The following SPIN4 variants were observed in gnomAD, a reference collection of about 807,000 sequenced individuals.
SPIN4 encodes the protein spindlin family member 4, also known as spindlin-4.
Under a neutral mutation model 10.4 loss-of-function variants are expected in SPIN4, and 4 were observed. The observed-to-expected ratio is 0.38, with a 90% CI of 0.19 to 0.88. SPIN4 has a LOEUF of 0.88. Among genes scored for constraint, SPIN4 ranks in the 40% least tolerant of loss-of-function variants. The pLI, the probability that SPIN4 is intolerant of heterozygous loss-of-function variation, is 0.40. For missense variants in SPIN4, 126 were observed against 198.7 expected, an observed-to-expected ratio of 0.63 and a Z score of 2.20; for synonymous variants, 71 against 78.4, an observed-to-expected ratio of 0.91 and a Z score of 0.50.
In SPIN4 at chrX:63,348,530, T is replaced by C. The variant is rs1206283667; in HGVS notation, c.*1540A>G. ...AGGATTTTAATTGTGATGTCAGCCA[T>C]CATAATTAGAATTTTATTAAAATTC... On this transcript the variant is annotated 3_prime_UTR_variant, in exon 1 of 1. Coordinates refer to ENST00000374884, the MANE Select transcript of SPIN4 (RefSeq NM_001012968.3). The C allele has an allele frequency of 3.6e-5, 4 of 110,290 alleles. No individual in the cohort carries two copies. The highest frequency in any genetic ancestry group is 1.3e-4 in the African/African-American group (4 of 30,404). 9.1% of individuals were successfully genotyped at this position (110,290 alleles called of 1,213,427 possible).
At position 63,350,747 on chromosome X, in the gene SPIN4, G is replaced by A; in HGVS notation, c.73C>T (p.His25Tyr). The A allele has an allele frequency of 2.5e-6, 3 of 1,210,969 alleles. No homozygotes were observed. The highest frequency in any genetic ancestry group is 2.2e-6 in the Non-Finnish European group (2 of 894,982). ...GTGGGCTTGCGCCGTTGCTTCCTGTGGGTGTGCCTTTTCTTCATCAGGTAT... is the reference window on the plus strand; with the variant it reads ...GTGGGCTTGCGCCGTTGCTTCCTGTAGGTGTGCCTTTTCTTCATCAGGTAT... ...SAYLMKKRHT[H>Y]RKQRRKPTFL... The change falls in exon 1 of 1, where the codon CAC becomes TAC. Residue 25 changes from histidine to tyrosine, a missense_variant. Transcript: ENST00000374884.
rs1932990690 is a variant in SPIN4, at chrX:63,351,046, C to A, written c.-227G>T. On this transcript the variant is annotated 5_prime_UTR_variant, in exon 1 of 1. Coordinates refer to ENST00000374884, the MANE Select transcript of SPIN4 (RefSeq NM_001012968.3). ...GCCTCTCCACAGTGCTTTCCTCTCT[C>A]GCCCTAGAAGGGTTACTGCAGCAGT... 6 of 383,275 alleles carry A rather than the reference C, an allele frequency of 1.6e-5. No homozygotes were observed. The highest frequency in any genetic ancestry group is 2.3e-5 in the Non-Finnish European group (5 of 220,263). The allele number at this position is 383,275 out of a possible 1,213,427, so 31.6% of individuals were successfully genotyped here.
Position 63,351,166 on chromosome X carries a change from T to A in SPIN4, c.-347A>T, listed in dbSNP as rs1340579504. On this transcript the variant is annotated 5_prime_UTR_variant, in exon 1 of 1. Transcript: ENST00000374884. The stretch of plus-strand genomic sequence containing the variant: ...CAAGTCCCCGAATCGGCCACTTAGC[T>A]GTTGTCGATGCTGGTGCGGCTGCGG... 1.0e-5 allele frequency: 2 copies of A among 199,044 alleles called. No homozygotes were observed. 16.4% of individuals were successfully genotyped at this position (199,044 alleles called of 1,213,427 possible).
rs1322082145 is a variant in SPIN4 at position 63,349,575 on chromosome X, A to G, written c.*495T>C. The G allele has an allele frequency of 8.8e-6, 1 of 114,101 alleles. No individual in the cohort carries two copies. Among genetic ancestry groups the G allele is most frequent in the African/African-American group, 3.3e-5 (1 of 30,588 alleles). 9.4% of individuals were successfully genotyped at this position (114,101 alleles called of 1,213,427 possible). ...AGAGAGAGCAAGAAAGACTGAAGCT[A>G]CTGATAAGAAGAGATATCATCTACA... is the stretch of plus-strand genomic sequence containing the variant. On this transcript the variant is annotated 3_prime_UTR_variant, in exon 1 of 1. Coordinates refer to ENST00000374884, the MANE Select transcript of SPIN4 (RefSeq NM_001012968.3).
Position 63,350,910 on chromosome X carries a change from T to A in SPIN4, c.-91A>T, listed in dbSNP as rs1344310058. The A allele has an allele frequency of 3.4e-5, 36 of 1,070,000 alleles. No homozygotes were observed. In the African/African-American group the frequency reaches 4.7e-4, roughly 14 times the overall value. 88.2% of individuals were successfully genotyped at this position (1,070,000 alleles called of 1,213,427 possible). A position where few individuals can be genotyped will look rare whatever the true frequency, so the allele number is the denominator to read the frequency against. ...ACACTATGCAATATGATATATATAT[T>A]TTTTGCGATCTCAAAGACCTGGTCT... On this transcript the variant is annotated 5_prime_UTR_variant, in exon 1 of 1. Coordinates refer to ENST00000374884, the MANE Select transcript of SPIN4 (RefSeq NM_001012968.3).
In SPIN4 at chrX:63,350,908, A is replaced by AT. The variant is rs1932989399; in HGVS notation, c.-90dup. 5.6e-6 allele frequency: 6 copies of AT among 1,064,823 alleles called. No individual in the cohort carries two copies. The highest frequency in any genetic ancestry group is 3.3e-5 in the Admixed American group (1 of 30,708). 87.8% of individuals were successfully genotyped at this position (1,064,823 alleles called of 1,213,427 possible). ...CAACACTATGCAATATGATATATAT[A>AT]TTTTTTGCGATCTCAAAGACCTGGT... On this transcript the variant is annotated 5_prime_UTR_variant, in exon 1 of 1. Coordinates refer to ENST00000374884, the MANE Select transcript of SPIN4 (RefSeq NM_001012968.3).
In SPIN4 at chrX:63,350,864, G is replaced by A; in HGVS notation, c.-45C>T. 5.2e-6 allele frequency: 6 copies of A among 1,152,054 alleles called. No individual in the cohort carries two copies. The highest frequency in any genetic ancestry group is 5.8e-6 in the Non-Finnish European group (5 of 865,664). The allele number at this position is 1,152,054 out of a possible 1,213,427, so 94.9% of individuals were successfully genotyped here. A position where few individuals can be genotyped will look rare whatever the true frequency, so the allele number is the denominator to read the frequency against. ...CTTGGGGAAAGCTGCTGCCCTGGTC[G>A]ATTAAACTGACAAAAAGTCAACACT... On this transcript the variant is annotated 5_prime_UTR_variant, in exon 1 of 1. Transcript: ENST00000374884.
chrX:63,350,428 T>C lies in SPIN4; in HGVS notation c.392A>G (p.His131Arg). 8.3e-7 allele frequency: 1 copy of C among 1,211,486 alleles called. No homozygotes were observed. The highest frequency in any genetic ancestry group is 1.1e-6 in the Non-Finnish European group (1 of 895,467). ...KAVEHVFEGEHGTKDEWKGMV... is the reference protein window; with the variant it reads ...KAVEHVFEGERGTKDEWKGMV... Reference sequence around the variant, plus strand: ...ACCCTTCCATTCATCCTTGGTACCATGTTCACCTTCAAACACATGCTCCAC... The same window carrying C: ...ACCCTTCCATTCATCCTTGGTACCACGTTCACCTTCAAACACATGCTCCAC... The change falls in exon 1 of 1, where the codon CAT becomes CGT. Residue 131 changes from histidine to arginine, a missense_variant. Coordinates refer to ENST00000374884, the MANE Select transcript of SPIN4 (RefSeq NM_001012968.3).
chrX:63,350,605 G>C lies in SPIN4; in HGVS notation c.215C>G (p.Thr72Ser), dbSNP rs782048225. 39 of 1,207,519 alleles carry C rather than the reference G, an allele frequency of 3.2e-5. No individual in the cohort carries two copies. Among genetic ancestry groups the C allele is most frequent in the Non-Finnish European group, 4.4e-5 (39 of 893,140 alleles). Residue 72 changes from threonine (T) to serine (S), a missense_variant, in exon 1 of 1, where the codon ACT (threonine) becomes AGT (serine). Physicochemically the swap from Thr to Ser is moderately conservative, Grantham distance 58. Coordinates refer to ENST00000374884, the MANE Select transcript of SPIN4 (RefSeq NM_001012968.3). Reference sequence around the variant, plus strand: ...GCCATCATATTTAATGATGTAAAGAGTGGGCTTCACGGAAACCTGCTCGAG... The same window carrying C: ...GCCATCATATTTAATGATGTAAAGACTGGGCTTCACGGAAACCTGCTCGAG... ...TVLEQVSVKP[T>S]LYIIKYDGKD... is the part of the protein sequence containing the mutation.
Position 63,351,191 on chromosome X carries a change from G to A in SPIN4, c.-372C>T. The stretch of plus-strand genomic sequence containing the variant: ...TGTTGTCGATGCTGGTGCGGCTGCG[G>A]CACGGCGGCAGAGGAGACGACGGGG... On this transcript the variant is annotated 5_prime_UTR_variant, in exon 1 of 1. Coordinates refer to ENST00000374884, the MANE Select transcript of SPIN4 (RefSeq NM_001012968.3). 1 of 173,651 alleles carries A rather than the reference G, an allele frequency of 5.8e-6. No individual in the cohort carries two copies. The allele number at this position is 173,651 out of a possible 1,213,427, so 14.3% of individuals were successfully genotyped here.
In SPIN4 at chrX:63,347,806, C is replaced by A. The variant is rs1410380464; in HGVS notation, c.*2264G>T. The stretch of plus-strand genomic sequence containing the variant: ...GTTTGGTTCCACATCAAATGCCTAC[C>A]ATTCTAATTCATTACATCAACAAAT... On this transcript the variant is annotated 3_prime_UTR_variant, in exon 1 of 1. Transcript: ENST00000374884. 2 of 111,069 alleles carry A rather than the reference C, an allele frequency of 1.8e-5. No individual in the cohort carries two copies. The highest frequency in any genetic ancestry group is 3.8e-5 in the Non-Finnish European group (2 of 52,853). 9.2% of individuals were successfully genotyped at this position (111,069 alleles called of 1,213,427 possible). A position where few individuals can be genotyped will look rare whatever the true frequency, so the allele number is the denominator to read the frequency against.
Position 63,350,199 on chromosome X carries a change from A to T in SPIN4, c.621T>A (p.His207Gln), listed in dbSNP as rs782541994. 1.5e-5 allele frequency: 18 copies of T among 1,209,973 alleles called. No individual in the cohort carries two copies. The Admixed American group carries it at 3.7e-4, about 25-fold the overall frequency. Residue 207 changes from histidine to glutamine, a missense_variant, in exon 1 of 1, where the codon CAT (histidine) becomes CAA (glutamine). Transcript: ENST00000374884. ...VDSLVGKQVE[H>Q]AKDDGSKRTG... is the part of the protein sequence containing the mutation. ...TTCTCTTGGACCCGTCATCTTTGGCATGCTCCACCTGCTTGCCCACGAGAC... is the reference window on the plus strand; with the variant it reads ...TTCTCTTGGACCCGTCATCTTTGGCTTGCTCCACCTGCTTGCCCACGAGAC...
rs1207555170 is a variant in SPIN4, at chrX:63,347,561, C to T, written c.*2509G>A. On this transcript the variant is annotated 3_prime_UTR_variant, in exon 1 of 1. Coordinates refer to ENST00000374884, the MANE Select transcript of SPIN4 (RefSeq NM_001012968.3). ...CTAATGCTATTTAAATTATTCCAGACCACAGGAAAAAAATTGAAAACTCAC... is the reference window on the plus strand; with the variant it reads ...CTAATGCTATTTAAATTATTCCAGATCACAGGAAAAAAATTGAAAACTCAC... The T allele has an allele frequency of 9.0e-6, 1 of 111,421 alleles. No individual in the cohort carries two copies. Among genetic ancestry groups the T allele is most frequent in the Non-Finnish European group, 1.9e-5 (1 of 52,916 alleles). 9.2% of individuals were successfully genotyped at this position (111,421 alleles called of 1,213,427 possible). A position where few individuals can be genotyped will look rare whatever the true frequency, so the allele number is the denominator to read the frequency against.
chrX:63,347,523 C>T lies in SPIN4; in HGVS notation c.*2547G>A, dbSNP rs1932948254. 5 of 112,024 alleles carry T rather than the reference C, an allele frequency of 4.5e-5. No individual in the cohort carries two copies. In the South Asian group the frequency reaches 1.8e-3, roughly 41 times the overall value. The allele number at this position is 112,024 out of a possible 1,213,427, so 9.2% of individuals were successfully genotyped here. On this transcript the variant is annotated 3_prime_UTR_variant, in exon 1 of 1. Coordinates refer to ENST00000374884, the MANE Select transcript of SPIN4 (RefSeq NM_001012968.3). ...ACACTTTGTCCTAGCTAACTTTTAA[C>T]AAACAAATAATTCTAATGCTATTTA...
chrX:63,347,846 A>G lies in SPIN4; in HGVS notation c.*2224T>C, dbSNP rs1200966382. On this transcript the variant is annotated 3_prime_UTR_variant, in exon 1 of 1. Coordinates refer to ENST00000374884, the MANE Select transcript of SPIN4 (RefSeq NM_001012968.3). ...CATCAACAAATTAAAGAGAAAAAAA[A>G]TCATACAATTTTATCAATAGATGCT... 1.8e-5 allele frequency: 2 copies of G among 111,683 alleles called. No homozygotes were observed. The highest frequency in any genetic ancestry group is 6.5e-5 in the African/African-American group (2 of 30,772). The allele number at this position is 111,683 out of a possible 1,213,427, so 9.2% of individuals were successfully genotyped here.
In SPIN4 at chrX:63,347,596, T is replaced by C. The variant is rs1299464080; in HGVS notation, c.*2474A>G. ...AAAATTGAAAACTCACATATTCATA[T>C]TTTTTTAAAGCTAGCACAACTTCAA... On this transcript the variant is annotated 3_prime_UTR_variant, in exon 1 of 1. Transcript: ENST00000374884. The C allele has an allele frequency of 9.0e-6, 1 of 110,772 alleles. No homozygotes were observed. Among genetic ancestry groups the C allele is most frequent in the Non-Finnish European group, 1.9e-5 (1 of 52,040 alleles). The allele number at this position is 110,772 out of a possible 1,213,427, so 9.1% of individuals were successfully genotyped here.
Position 63,348,997 on chromosome X carries a change from A to T in SPIN4, c.*1073T>A, listed in dbSNP as rs1228465440. 2.7e-5 allele frequency: 3 copies of T among 112,243 alleles called. No individual in the cohort carries two copies. Among genetic ancestry groups the T allele is most frequent in the African/African-American group, 9.7e-5 (3 of 30,946 alleles). The allele number at this position is 112,243 out of a possible 1,213,427, so 9.3% of individuals were successfully genotyped here. ...AAAATATATCATCAATAAAGTCAAG[A>T]TGAAAACGTCATAACACATTAGAGC... On this transcript the variant is annotated 3_prime_UTR_variant, in exon 1 of 1. Transcript: ENST00000374884.
rs1556016568 is a variant in SPIN4 at position 63,350,616 on chromosome X, G to C, written c.204C>G (p.Ser68=). ...QWKGTVLEQV[S]VKPTLYIIKY... ...TAATGATGTAAAGAGTGGGCTTCACGGAAACCTGCTCGAGCACAGTACCCT... is the reference window on the plus strand; with the variant it reads ...TAATGATGTAAAGAGTGGGCTTCACCGAAACCTGCTCGAGCACAGTACCCT... Residue 68 remains serine, a synonymous_variant, in exon 1 of 1, where the codon TCC becomes TCG. Coordinates refer to ENST00000374884, the MANE Select transcript of SPIN4 (RefSeq NM_001012968.3). 8.3e-7 allele frequency: 1 copy of C among 1,208,734 alleles called. No homozygotes were observed. The highest frequency in any genetic ancestry group is 1.8e-5 in the South Asian group (1 of 56,403).
Position 63,351,105 on chromosome X carries a change from G to T in SPIN4, c.-286C>A. The T allele has an allele frequency of 3.5e-6, 1 of 287,062 alleles. No individual in the cohort carries two copies. Among genetic ancestry groups the T allele is most frequent in the Non-Finnish European group, 6.4e-6 (1 of 156,206 alleles). The allele number at this position is 287,062 out of a possible 1,213,427, so 23.7% of individuals were successfully genotyped here. A position where few individuals can be genotyped will look rare whatever the true frequency, so the allele number is the denominator to read the frequency against. On this transcript the variant is annotated 5_prime_UTR_variant, in exon 1 of 1. Coordinates refer to ENST00000374884, the MANE Select transcript of SPIN4 (RefSeq NM_001012968.3). ...ACGTAGAGATGGCGGGCTCGCGAGT[G>T]CTGTTCGTGCCTTGCGTCCGCCCCA...
Sources: allele counts gnomAD v4.1 joint callset, GRCh38; gene constraint gnomAD v4.1.1; transcripts MANE v1.5; gene names NCBI Gene and HGNC (gene_info 2026-07-23, HGNC 2026-07-21).